AGBL4: variants seen among roughly 807,000 people sequenced by gnomAD.
AGBL4 encodes the protein AGBL carboxypeptidase 4.
AGBL4 carries 58 observed loss-of-function variants against 66.4 expected under a neutral mutation model. The ratio of observed to expected loss-of-function variants is 0.87; its 90% CI spans 0.71 to 1.09. The LOEUF (loss-of-function observed/expected upper bound fraction) is 1.09, where lower values mean the gene tolerates loss of function less well. AGBL4 is among the 50% of genes least tolerant of loss of function. The probability of loss-of-function intolerance (pLI) is 0.00; values close to 1 mark genes in which losing one functional copy is unlikely to be tolerated. For missense variants in AGBL4, 579 were observed against 631.0 expected, an observed-to-expected ratio of 0.92 and a Z score of 0.88; for synonymous variants, 234 against 222.9, an observed-to-expected ratio of 1.05 and a Z score of -0.44.
intron 3 of AGBL4, among the ~76,000 whole-genome samples, chr1:49,686,325 G>C (rs560558674): frequency 1.2e-4 from 19 of 152,222 alleles, no homozygotes; most frequent in African/African-American, 4.3e-4. Context: ...GAACACCTCG[G>C]CTCCTCCAGC....
At chr1:49,821,728 C>T (rs1412865849) in intron 2 of AGBL4, among the ~76,000 whole-genome samples, 15 of 152,128 alleles carry the variant, frequency 9.9e-5, no homozygotes, top group South Asian at 4.2e-4. Context: ...ACTGTGATTA[C>T]GAAATTGTTG....
chr1:48,887,103 A>C (rs1430490474), intron 5 of AGBL4, among the ~76,000 whole-genome samples: 1 of 152,144 alleles, frequency 6.6e-6, no homozygotes, highest in Non-Finnish European at 1.5e-5. Flanking sequence ...GAGAAAGGGG[A>C]AAGAGGGCTT....
At chr1:49,773,120 G>A (rs931852191) in intron 2 of AGBL4, among the ~76,000 whole-genome samples, 1 of 152,034 alleles carries the variant, frequency 6.6e-6, no homozygotes, top group Admixed American at 6.6e-5. Flanking sequence ...GTACATTGTT[G>A]ACGGTCTCCA....
intron 3 of AGBL4, among the ~76,000 whole-genome samples, chr1:49,625,454 A>G (rs1301122252): frequency 6.6e-6 from 1 of 152,176 alleles, no homozygotes; most frequent in African/African-American, 2.4e-5. Flanking sequence ...GACAATTAAG[A>G]CTAAAGACAT....
intron 3 of AGBL4, among the ~76,000 whole-genome samples, chr1:49,645,241 T>C (rs1223356382): frequency 2.0e-5 from 3 of 151,258 alleles, no homozygotes; most frequent in Non-Finnish European, 4.4e-5. Context: ...GATGAATAGA[T>C]GAAATAGAAA....
chr1:48,682,027 C>T (rs1032730951), intron 6 of AGBL4, among the ~76,000 whole-genome samples: 49 of 152,302 alleles, frequency 3.2e-4, no homozygotes, highest in African/African-American at 1.1e-3. Flanking sequence ...AGGCTGGGTC[C>T]TAATCCAGTA....
At chr1:49,399,022 A>T (rs2148607311) in intron 3 of AGBL4, among the ~76,000 whole-genome samples, 1 of 152,140 alleles carries the variant, frequency 6.6e-6, no homozygotes, top group African/African-American at 2.4e-5. Flanking sequence ...TCTGGTAACC[A>T]TCCTTCTACT....
chr1:49,006,225 G>C (rs890710873), intron 5 of AGBL4, among the ~76,000 whole-genome samples: 7 of 152,168 alleles, frequency 4.6e-5, no homozygotes, highest in Non-Finnish European at 1.0e-4. Flanking sequence ...AAGCGCAAGG[G>C]GTCAGGGAGT....
At chr1:49,105,199 T>G (rs573641897) in intron 4 of AGBL4, among the ~76,000 whole-genome samples, 1 of 152,258 alleles carries the variant, frequency 6.6e-6, no homozygotes, top group South Asian at 2.1e-4. Flanking sequence ...GGCATGGCTT[T>G]TGCAGACTTT....
chr1:48,951,908 G>A (rs1657022075), intron 5 of AGBL4, among the ~76,000 whole-genome samples: 1 of 152,100 alleles, frequency 6.6e-6, no homozygotes, highest in Admixed American at 6.6e-5. Flanking sequence ...GCCTTATGAG[G>A]GAAGCATTAT....
intron 3 of AGBL4, among the ~76,000 whole-genome samples, chr1:49,275,091 A>C (rs1644141642): frequency 6.6e-6 from 1 of 152,194 alleles, no homozygotes; most frequent in South Asian, 2.1e-4. Context: ...TTCTTTTGTC[A>C]CAGGACATAA....
chr1:49,918,148 G>A (rs966379156), intron 1 of AGBL4, among the ~76,000 whole-genome samples: 1 of 152,120 alleles, frequency 6.6e-6, no homozygotes, highest in Non-Finnish European at 1.5e-5. Flanking sequence ...ATCTAAAATT[G>A]ACATCCTAAC....
At chr1:49,317,390 A>G (rs1381395540) in intron 3 of AGBL4, among the ~76,000 whole-genome samples, 1 of 151,936 alleles carries the variant, frequency 6.6e-6, no homozygotes, top group South Asian at 2.1e-4. Context: ...AATGTCAAGC[A>G]TTTAAGCATT....
intron 4 of AGBL4, among the ~76,000 whole-genome samples, chr1:49,083,770 C>T (rs1644849234): frequency 6.6e-6 from 1 of 152,208 alleles, no homozygotes; most frequent in South Asian, 2.1e-4. Context: ...TGCAATTTTT[C>T]CTAACTTTTA....
At chr1:48,986,845 A>G (rs1275672751) in intron 5 of AGBL4, among the ~76,000 whole-genome samples, 2 of 152,104 alleles carry the variant, frequency 1.3e-5, no homozygotes, top group Non-Finnish European at 2.9e-5. Flanking sequence ...TTTGGGGTTT[A>G]TAATGGAAAA....
intron 1 of AGBL4, among the ~76,000 whole-genome samples, chr1:49,852,601 G>A (rs1490586718): frequency 6.6e-6 from 1 of 152,068 alleles, no homozygotes; most frequent in African/African-American, 2.4e-5. Context: ...ACACGACTAG[G>A]GGAGAAATAA....
chr1:48,729,421 G>A (rs1319976118), intron 6 of AGBL4, among the ~76,000 whole-genome samples: 1 of 152,182 alleles, frequency 6.6e-6, no homozygotes. Context: ...CTTTGAGCCT[G>A]AGTTTTCTCA....
chr1:48,928,403 T>C (rs1654767568), intron 5 of AGBL4, among the ~76,000 whole-genome samples: 1 of 152,152 alleles, frequency 6.6e-6, no homozygotes, highest in Admixed American at 6.5e-5. Context: ...TGGAAGAAAA[T>C]AGTTGGGTCA....
chr1:49,541,911 G>A (rs926978288), intron 3 of AGBL4, among the ~76,000 whole-genome samples: 3 of 152,102 alleles, frequency 2.0e-5, no homozygotes, highest in Admixed American at 2.0e-4. Context: ...CTAATCTGGT[G>A]GGGACTTGGA....
Sources: allele counts gnomAD v4.1 joint callset (sites outside exome capture counted in the v4.1 genomes callset), GRCh38; gene constraint gnomAD v4.1.1; transcripts MANE v1.5; gene names NCBI Gene and HGNC (gene_info 2026-07-23, HGNC 2026-07-21).